SLC22A3: variants seen among roughly 807,000 people sequenced by gnomAD.
The protein encoded by SLC22A3 is EMT organic cation transporter 3.
SLC22A3 carries 51 observed loss-of-function variants against 59.1 expected under a neutral mutation model. The ratio of observed to expected loss-of-function variants is 0.86; its 90% confidence interval spans 0.69 to 1.09. SLC22A3 has a LOEUF of 1.09. SLC22A3 is among the 50% of genes least tolerant of loss of function. The probability of loss-of-function intolerance (pLI) is 0.00; values close to 1 mark genes in which losing one functional copy is unlikely to be tolerated. For synonymous variants in SLC22A3, 325 were observed against 292.0 expected (o/e 1.11, Z -1.15); for missense variants, 711 against 726.3 (o/e 0.98, Z 0.24).
At chr6:160,446,880 T>C (rs749666608) in intron 9 of SLC22A3, among the ~76,000 whole-genome samples, 6 of 152,216 alleles carry the variant, frequency 3.9e-5, no homozygotes, top group Non-Finnish European at 5.9e-5. Flanking sequence ...GGAAGCCCCA[T>C]TGATGGGGCT....
At chr6:160,424,828 T>C (rs1193591059) in intron 5 of SLC22A3, among the ~76,000 whole-genome samples, 1 of 152,214 alleles carries the variant, frequency 6.6e-6, no homozygotes, top group Non-Finnish European at 1.5e-5. Flanking sequence ...GGAAGGCTTA[T>C]GGAATACTCA....
chr6:160,377,805 C>A (rs1033164966), intron 1 of SLC22A3, among the ~76,000 whole-genome samples: 19 of 152,200 alleles, frequency 1.2e-4, no homozygotes, highest in African/African-American at 3.6e-4. Context: ...TCTGCAGAGG[C>A]TGCTAAGCAA....
At position 160,442,807 on chromosome 6, in the gene SLC22A3, G is replaced by T. The variant is rs1196381907; in HGVS notation, c.1335G>T (p.Gly445=). The change falls in exon 8 of 11, where the codon GGG becomes GGT. Residue 445 remains glycine (G), a synonymous_variant. Transcript: ENST00000275300. ...CAGTGGCTACATTGGGAAGACTAGG[G>T]ATAACCATGGCCTTTGAAATTGTTT... is the stretch of plus-strand genomic sequence containing the variant. ...RTTVATLGRL[G]ITMAFEIVYL... is the part of the protein sequence containing the mutation. 3.7e-6 allele frequency: 6 copies of T among 1,614,072 alleles called. No individual in the cohort carries two copies. The highest frequency in any genetic ancestry group is 5.1e-6 in the Non-Finnish European group (6 of 1,179,952).
At position 160,437,226 on chromosome 6, in the gene SLC22A3, C is replaced by CATCT. The variant is rs769229877; in HGVS notation, c.1288+16_1288+19dup. On this transcript the variant is annotated intron_variant, in intron 7 of 10. Coordinates refer to ENST00000275300, the MANE Select transcript of SLC22A3 (RefSeq NM_021977.4). The stretch of plus-strand genomic sequence containing the variant: ...CTTACCAGAAGGTAATCTTACCCCA[C>CATCT]ATCTGTTTGGCAGCCAAAGGACTTG... The CATCT allele has an allele frequency of 1.9e-6, 3 of 1,613,218 alleles. No homozygotes were observed. The highest frequency in any genetic ancestry group is 2.5e-6 in the Non-Finnish European group (3 of 1,179,306).
At chr6:160,367,758 T>A (rs1785256244) in intron 1 of SLC22A3, among the ~76,000 whole-genome samples, 2 of 152,178 alleles carry the variant, frequency 1.3e-5, no homozygotes, top group Non-Finnish European at 1.5e-5. Context: ...GATGGGGCAC[T>A]GTTACGGGTG....
At chr6:160,396,793 C>T (rs1786490173) in intron 1 of SLC22A3, among the ~76,000 whole-genome samples, 3 of 151,700 alleles carry the variant, frequency 2.0e-5, no homozygotes, top group Admixed American at 2.0e-4. Flanking sequence ...GTAATTATAA[C>T]CCAAGCAGAA....
rs1009066405 is a variant in SLC22A3, at chr6:160,406,897, C to T, written c.534-144C>T. On this transcript the variant is annotated intron_variant, in intron 2 of 10. Transcript: ENST00000275300. ...TCCAGCCTAGGCAACATAGGGACAC[C>T]CTGTCTCTACAAAACATCTTTAAAA... The T allele has an allele frequency of 4.2e-6, 4 of 959,834 alleles. No homozygotes were observed. The African/African-American group carries it at 5.1e-5, about 12-fold the overall frequency. 59.5% of individuals were successfully genotyped at this position (959,834 alleles called of 1,614,324 possible). A position where few individuals can be genotyped will look rare whatever the true frequency, so the allele number is the denominator to read the frequency against.
In SLC22A3 at chr6:160,443,726, A is replaced by G. The variant is rs8187722; in HGVS notation, c.1494A>G (p.Leu498=). The G allele has an allele frequency of 2.8e-3, 4,448 of 1,608,428 alleles. 84 individuals are homozygous for G. The Middle Eastern group carries it at 0.052, about 19-fold the overall frequency. The part of the protein sequence containing the change: ...LFRLAAVWLE[L]PLIIFGILAS... ...GGCTAGCAGCCGTGTGGCTAGAACT[A>G]CCTCTGATCATCTTTGGTAAGAACT... The change falls in exon 9 of 11, where the codon CTA becomes CTG. Residue 498 remains leucine (L), a synonymous_variant. Transcript: ENST00000275300.
intron 5 of SLC22A3, among the ~76,000 whole-genome samples, chr6:160,426,714 C>G (rs1787969350): frequency 6.6e-6 from 1 of 152,192 alleles, no homozygotes; most frequent in African/African-American, 2.4e-5. Context: ...TGTCTCTGGT[C>G]TCCATCTTCC....
intron 7 of SLC22A3, among the ~76,000 whole-genome samples, chr6:160,437,795 A>G (rs139265486): frequency 3.0e-4 from 46 of 152,372 alleles, no homozygotes; most frequent in African/African-American, 1.0e-3. Context: ...GTGGGAACTA[A>G]ACATGCGTGA....
intron 5 of SLC22A3, among the ~76,000 whole-genome samples, chr6:160,417,923 G>A (rs1043027491): frequency 1.3e-5 from 2 of 152,204 alleles, no homozygotes; most frequent in Non-Finnish European, 1.5e-5. Flanking sequence ...TACACTAGCA[G>A]GCCCCAGCCA....
chr6:160,405,879 G>A (rs549323233), intron 2 of SLC22A3, among the ~76,000 whole-genome samples: 1 of 152,202 alleles, frequency 6.6e-6, no homozygotes, highest in African/African-American at 2.4e-5. Context: ...GCAAAACTAT[G>A]GAGACAGTAA....
intron 1 of SLC22A3, among the ~76,000 whole-genome samples, chr6:160,369,771 C>T (rs375758442): frequency 3.0e-4 from 45 of 152,066 alleles, no homozygotes; most frequent in African/African-American, 7.0e-4. Context: ...TATTGTTGTG[C>T]GACAAATTAT....
Position 160,447,820 on chromosome 6 carries a change from T to C in SLC22A3, c.1610+2T>C. On this transcript the variant is annotated splice_donor_variant, in intron 10 of 10. Transcript: ENST00000275300. LOFTEE classifies it high-confidence loss of function. Reference sequence around the variant, plus strand: ...GGATGATGTAGAAAAACTTGGCAGGTACTGTACAAAATTCAATGCACCCTA... The same window carrying C: ...GGATGATGTAGAAAAACTTGGCAGGCACTGTACAAAATTCAATGCACCCTA... 2 of 1,611,718 alleles carry C rather than the reference T, an allele frequency of 1.2e-6. No homozygotes were observed. The highest frequency in any genetic ancestry group is 1.7e-6 in the Non-Finnish European group (2 of 1,177,894).
At chr6:160,393,279 AT>A (rs1194865932) in intron 1 of SLC22A3, among the ~76,000 whole-genome samples, 49 of 150,610 alleles carry the variant, frequency 3.3e-4, no homozygotes, top group Non-Finnish European at 5.6e-4. Context: ...TTATTTATTT[AT>A]TTTATTTATT....
intron 1 of SLC22A3, among the ~76,000 whole-genome samples, chr6:160,382,044 G>C (rs796718771): frequency 6.6e-6 from 1 of 152,094 alleles, no homozygotes; most frequent in Non-Finnish European, 1.5e-5. Context: ...GTGAAAGCAG[G>C]CAATATTATC....
intron 5 of SLC22A3, among the ~76,000 whole-genome samples, chr6:160,427,201 C>G (rs1286572856): frequency 6.6e-6 from 1 of 152,172 alleles, no homozygotes; most frequent in Non-Finnish European, 1.5e-5. Flanking sequence ...AGAGACCCCA[C>G]TGCCGACTTG....
intron 1 of SLC22A3, among the ~76,000 whole-genome samples, chr6:160,385,815 C>A (rs142265766): frequency 6.6e-6 from 1 of 152,202 alleles, no homozygotes; most frequent in Admixed American, 6.5e-5. Flanking sequence ...AAAACTTCCC[C>A]AAGTATTGAG....
At chr6:160,375,821 T>C (rs1382331277) in intron 1 of SLC22A3, among the ~76,000 whole-genome samples, 1 of 152,196 alleles carries the variant, frequency 6.6e-6, no homozygotes, top group East Asian at 1.9e-4. Flanking sequence ...TCTTTGTTCA[T>C]GGCTGTTCTC....
Sources: allele counts gnomAD v4.1 joint callset (sites outside exome capture counted in the v4.1 genomes callset), GRCh38; gene constraint gnomAD v4.1.1; transcripts MANE v1.5; gene names NCBI Gene and HGNC (gene_info 2026-07-23, HGNC 2026-07-21).